The following ZNF324B variants were observed in gnomAD, a reference collection of about 807,000 sequenced individuals.
ZNF324B encodes the protein zinc finger protein 324B.
Under a neutral mutation model 10.6 loss-of-function variants are expected in ZNF324B, and 7 were observed. The observed-to-expected ratio is 0.66, with a 90% CI of 0.38 to 1.24. The LOEUF (loss-of-function observed/expected upper bound fraction) is 1.24. ZNF324B is among the 50% of genes most tolerant of loss of function. The probability of loss-of-function intolerance (pLI) is 0.02; values close to 1 mark genes in which losing one functional copy is unlikely to be tolerated. For synonymous variants in ZNF324B, 316 were observed against 321.0 expected, an observed-to-expected ratio of 0.98 and a Z score of 0.17; for missense variants, 640 against 764.7, an observed-to-expected ratio of 0.84 and a Z score of 1.92.
upstream of ZNF324B, among the ~76,000 whole-genome samples, chr19:58,450,464 C>CA (rs35336344): frequency 0.35 from 37,079 of 104,542 alleles, 5,882 homozygotes; most frequent in East Asian, 0.49. Flanking sequence ...GACCCTGTCT[C>CA]AAAAAAAAAA....
intron 3 of ZNF324B, chr19:58,454,946 C>T (rs1274141955): frequency 1.5e-6 from 1 of 667,888 alleles, no homozygotes; most frequent in South Asian, 1.6e-5. Context: ...GCTTCACATC[C>T]TGGGTGTCTG....
the ZNF324B span, chr19:58,437,882 A>G: frequency 1.3e-6 from 1 of 747,166 alleles, no homozygotes; most frequent in Non-Finnish European, 1.6e-6. Flanking sequence ...GCAGATCTCA[A>G]ATATCTCTTC....
At chr19:58,439,950 A>G in the ZNF324B span, 1 of 949,326 alleles carries the variant, frequency 1.1e-6, no homozygotes, top group Non-Finnish European at 1.6e-6. Context: ...CGCAGGGACG[A>G]AGGCTGGGTA....
the ZNF324B span, chr19:58,432,245 C>G: frequency 2.0e-6 from 1 of 504,790 alleles, no homozygotes; most frequent in Admixed American, 2.0e-5. Context: ...GTGATGGGTG[C>G]CAAGATACAG....
rs746053125 is a variant in ZNF324B, at chr19:58,455,518, C to T, written c.574C>T (p.Pro192Ser). 7 of 1,613,948 alleles carry T rather than the reference C, an allele frequency of 4.3e-6. No individual in the cohort carries two copies. The highest frequency in any genetic ancestry group is 5.9e-6 in the Non-Finnish European group (7 of 1,179,992). ...YRVPGRQPRTPERQKPCAQEV... is the reference protein window; with the variant it reads ...YRVPGRQPRTSERQKPCAQEV... The stretch of plus-strand genomic sequence containing the variant: ...GGTGCCTGGGAGGCAGCCCAGGACG[C>T]CTGAGCGGCAGAAGCCATGTGCACA... Residue 192 changes from proline to serine, a missense_variant, in exon 4 of 4, where the codon CCT (proline) becomes TCT (serine). Coordinates refer to ENST00000336614, the MANE Select transcript of ZNF324B (RefSeq NM_207395.3). This position sits in a 1 kb window ranked among gnomAD's most constrained non-coding sequence, Gnocchi z 7.0.
the ZNF324B span, chr19:58,437,015 G>A: frequency 1.5e-5 from 25 of 1,614,014 alleles, no homozygotes; most frequent in East Asian, 4.2e-4. Flanking sequence ...AAGGCATAAG[G>A]TAGTCATCAC....
At chr19:58,434,669 A>G in the ZNF324B span, 3 of 1,614,178 alleles carry the variant, frequency 1.9e-6, no homozygotes, top group East Asian at 6.7e-5. Flanking sequence ...ATCTCTTCAG[A>G]GTGAGTTCTC....
the ZNF324B span, chr19:58,437,032 G>A: frequency 1.9e-6 from 3 of 1,614,172 alleles, no homozygotes; most frequent in Non-Finnish European, 2.5e-6. Flanking sequence ...TCACCATGCT[G>A]AGACAGGGCA....
At chr19:58,450,786 A>G (rs2052850375), upstream of ZNF324B, among the ~76,000 whole-genome samples, 1 of 152,222 alleles carries the variant, frequency 6.6e-6, no homozygotes, top group Non-Finnish European at 1.5e-5. Context: ...CAGGGAAGCA[A>G]CAAAGAGAGA....
the ZNF324B span, among the ~76,000 whole-genome samples, chr19:58,426,297 G>A: frequency 6.6e-5 from 10 of 152,322 alleles, no homozygotes; most frequent in Non-Finnish European, 1.3e-4. Flanking sequence ...TCTGCCATCC[G>A]TGTATAATGG....
In ZNF324B at chr19:58,451,718, G is replaced by C. The variant is rs1425300624; in HGVS notation, c.-7+14G>C. ...GCGGCCAGGAAGGTACGGACCACGAGCAGCCGGCCGCGCCCCCAAGCCTCG... is the reference window on the plus strand; with the variant it reads ...GCGGCCAGGAAGGTACGGACCACGACCAGCCGGCCGCGCCCCCAAGCCTCG... On this transcript the variant is annotated intron_variant, in intron 1 of 3. Coordinates refer to ENST00000336614, the MANE Select transcript of ZNF324B (RefSeq NM_207395.3). 3 of 461,622 alleles carry C rather than the reference G, an allele frequency of 6.5e-6. No individual in the cohort carries two copies. The highest frequency in any genetic ancestry group is 4.2e-5 in the African/African-American group (2 of 47,352). The allele number at this position is 461,622 out of a possible 1,614,324, so 28.6% of individuals were successfully genotyped here. A position where few individuals can be genotyped will look rare whatever the true frequency, so the allele number is the denominator to read the frequency against.
chr19:58,435,370 A>G, the ZNF324B span: 1 of 797,836 alleles, frequency 1.3e-6, no homozygotes, highest in Non-Finnish European at 1.9e-6. Context: ...GCCCATTACT[A>G]TTGGCAGGAT....
the ZNF324B span, among the ~76,000 whole-genome samples, chr19:58,439,453 C>G: frequency 6.6e-6 from 1 of 152,238 alleles, no homozygotes; most frequent in Admixed American, 6.5e-5. Flanking sequence ...TAAATGGAGA[C>G]CGGCAGTCCC....
At chr19:58,425,627 G>A in the ZNF324B span, among the ~76,000 whole-genome samples, 4 of 151,552 alleles carry the variant, frequency 2.6e-5, no homozygotes, top group South Asian at 6.3e-4. Context: ...CCACCACCAC[G>A]CCTGGCTAAT....
At chr19:58,454,389 C>A (rs1314632127) in intron 3 of ZNF324B, 45 bp downstream of exon 3, 2 of 1,256,906 alleles carry the variant, frequency 1.6e-6, no homozygotes, top group East Asian at 2.3e-5. Context: ...CAACCTGTGG[C>A]CAAGCCCATG....
At chr19:58,427,828 A>G in the ZNF324B span, among the ~76,000 whole-genome samples, 1 of 151,998 alleles carries the variant, frequency 6.6e-6, no homozygotes, top group Non-Finnish European at 1.5e-5. Context: ...TATGAGATCT[A>G]ATCTTGGCCA....
the ZNF324B span, among the ~76,000 whole-genome samples, chr19:58,421,199 C>T: frequency 6.6e-6 from 1 of 152,000 alleles, no homozygotes; most frequent in African/African-American, 2.4e-5. Flanking sequence ...CTGATTTCAG[C>T]GTCTTCAACC....
the ZNF324B span, chr19:58,437,592 G>A: frequency 1.4e-6 from 1 of 709,380 alleles, no homozygotes; most frequent in South Asian, 6.3e-5. Flanking sequence ...TTGTACCAGG[G>A]CCATGGGCCC....
upstream of ZNF324B, among the ~76,000 whole-genome samples, chr19:58,449,364 T>C (rs1298630154): frequency 2.0e-5 from 3 of 152,112 alleles, no homozygotes; most frequent in Admixed American, 6.6e-5. Context: ...AAATGTGGGG[T>C]TGAAGACCCC....
Sources: allele counts gnomAD v4.1 joint callset (sites outside exome capture counted in the v4.1 genomes callset), GRCh38; gene constraint gnomAD v4.1.1; non-coding constraint Gnocchi (gnomAD v3.1); transcripts MANE v1.5; gene names NCBI Gene and HGNC (gene_info 2026-07-23, HGNC 2026-07-21).